ENAH: variants seen among roughly 807,000 people sequenced by gnomAD.
ENAH encodes protein enabled homolog.
ENAH carries 23 observed loss-of-function variants against 78.7 expected under a neutral mutation model. The observed-to-expected ratio is 0.29, with a 90% CI of 0.21 to 0.41. The LOEUF (loss-of-function observed/expected upper bound fraction) is 0.41. ENAH is among the 10% of genes least tolerant of loss of function. ENAH has a pLI of 1.00. For synonymous variants in ENAH, 226 were observed against 241.0 expected (o/e 0.94, Z 0.58); for missense variants, 544 against 691.0 (o/e 0.79, Z 2.39).
intron 11 of ENAH, among the ~76,000 whole-genome samples, chr1:225,501,653 A>G (rs12752691): frequency 0.1 from 15,456 of 152,296 alleles, 1,078 homozygotes; most frequent in Middle Eastern, 0.25. Context: ...AAAAATGTTT[A>G]TTAGATTAGA....
At chr1:225,549,654 TTATG>T (rs144786674) in intron 3 of ENAH, among the ~76,000 whole-genome samples, 6,537 of 152,248 alleles carry the variant, frequency 0.043, 225 homozygotes, top group South Asian at 0.11. Flanking sequence ...AGATGATTGG[TTATG>T]TATACGCCAG....
At chr1:225,635,577 A>G (rs1241898426) in intron 1 of ENAH, among the ~76,000 whole-genome samples, 1 of 152,224 alleles carries the variant, frequency 6.6e-6, no homozygotes, top group African/African-American at 2.4e-5. Flanking sequence ...GAATGAGACC[A>G]CTGTGGTCCA....
At chr1:225,635,589 A>T (rs1659912404) in intron 1 of ENAH, among the ~76,000 whole-genome samples, 1 of 152,188 alleles carries the variant, frequency 6.6e-6, no homozygotes, top group African/African-American at 2.4e-5. Context: ...TGTGGTCCAT[A>T]CTCAAAGAGG....
chr1:225,512,349 A>G (rs1283848276), intron 9 of ENAH, among the ~76,000 whole-genome samples: 2 of 152,222 alleles, frequency 1.3e-5, no homozygotes, highest in African/African-American at 4.8e-5. Flanking sequence ...AAGGGAACTG[A>G]GATTCTAAGA....
At chr1:225,525,055 A>C (rs954075544) in intron 4 of ENAH, among the ~76,000 whole-genome samples, 4 of 152,198 alleles carry the variant, frequency 2.6e-5, no homozygotes, top group African/African-American at 9.7e-5. Context: ...TAATCCTCTT[A>C]CTAACGCTCA....
rs149537157 is a variant in ENAH at position 225,539,534 on chromosome 1, G to GT, written c.350-8897dup. Among the ~76,000 whole-genome samples, 21 of 152,200 alleles carry GT rather than the reference G, an allele frequency of 1.4e-4. No individual in the cohort carries two copies. In the East Asian group the frequency reaches 2.9e-3, roughly 21 times the overall value. On this transcript the variant is annotated intron_variant, in intron 3 of 13. Coordinates refer to ENST00000366843, the MANE Select transcript of ENAH (RefSeq NM_018212.6). ...AATTAAGTTGCCCATTCCAATCGTG[G>GT]TATCTGTCCCCTTCCCCACAGTAGC...
chr1:225,636,084 G>A (rs1449014444), intron 1 of ENAH, among the ~76,000 whole-genome samples: 1 of 152,116 alleles, frequency 6.6e-6, no homozygotes, highest in Non-Finnish European at 1.5e-5. Context: ...AACAAATACT[G>A]GTTCTGTTTC....
intron 4 of ENAH, among the ~76,000 whole-genome samples, chr1:225,522,447 T>C (rs568484965): frequency 5.3e-5 from 8 of 152,288 alleles, no homozygotes; most frequent in Non-Finnish European, 8.8e-5. Flanking sequence ...TGAGTAGTTG[T>C]TTGAGATACT....
intron 11 of ENAH, among the ~76,000 whole-genome samples, chr1:225,507,656 C>A (rs903215097): frequency 6.6e-6 from 1 of 152,018 alleles, no homozygotes; most frequent in African/African-American, 2.4e-5. Flanking sequence ...ACTGTACTAT[C>A]CTTTTAATTT....
At chr1:225,517,562 C>T (rs1327308202) in intron 5 of ENAH, 3 of 1,551,234 alleles carry the variant, frequency 1.9e-6, no homozygotes, top group Non-Finnish European at 2.6e-6. Flanking sequence ...ACAGGGAGGA[C>T]AGGCCTTGGA....
intron 2 of ENAH, among the ~76,000 whole-genome samples, chr1:225,563,233 T>C (rs1197569450): frequency 6.6e-6 from 1 of 152,210 alleles, no homozygotes; most frequent in African/African-American, 2.4e-5. Flanking sequence ...ACATCATTGG[T>C]GAGTAACCAG....
intron 4 of ENAH, among the ~76,000 whole-genome samples, chr1:225,522,781 G>T (rs967904931): frequency 3.3e-5 from 5 of 152,028 alleles, no homozygotes; most frequent in Non-Finnish European, 4.4e-5. Context: ...AAGGGCAAAA[G>T]ATACACCCAT....
At chr1:225,535,645 T>G (rs1477898088) in intron 3 of ENAH, 2 of 701,142 alleles carry the variant, frequency 2.9e-6, no homozygotes, top group African/African-American at 3.7e-5. Context: ...AAAGGTGCTT[T>G]GAAATGTTCA....
At chr1:225,622,328 C>T (rs553683766) in intron 1 of ENAH, among the ~76,000 whole-genome samples, 1 of 152,248 alleles carries the variant, frequency 6.6e-6, no homozygotes, top group South Asian at 2.1e-4. Flanking sequence ...GTGACTCAAG[C>T]TTATAATCCA....
chr1:225,591,521 CT>C (rs1344871117), intron 1 of ENAH, among the ~76,000 whole-genome samples: 1 of 147,586 alleles, frequency 6.8e-6, no homozygotes, highest in African/African-American at 2.5e-5. Context: ...AATCCCAGAA[CT>C]TTGGGAGTCC....
intron 1 of ENAH, among the ~76,000 whole-genome samples, chr1:225,600,384 G>GA (rs557184241): frequency 5.3e-5 from 8 of 151,116 alleles, no homozygotes; most frequent in African/African-American, 1.5e-4. Context: ...TAATAAATAA[G>GA]AAAAAAAATA....
chr1:225,639,212 AG>A (rs1247893821), intron 1 of ENAH, among the ~76,000 whole-genome samples: 4 of 152,226 alleles, frequency 2.6e-5, no homozygotes, highest in Admixed American at 2.6e-4. Flanking sequence ...AAGGGGCATG[AG>A]GGAACTTAAT....
intron 3 of ENAH, chr1:225,535,454 C>A: frequency 8.6e-7 from 1 of 1,168,832 alleles, no homozygotes; most frequent in Non-Finnish European, 1.1e-6. Flanking sequence ...TGGAAATGCG[C>A]AAGTAGCATG....
At position 225,512,686 on chromosome 1, in the gene ENAH, T is replaced by C. The variant is rs1390229345; in HGVS notation, c.1393A>G (p.Ile465Val). ...TTGTCCTCTTTTTGTTCTGTTTCTA[T>C]TGTTGATCCCTTTTCAGCAATTCTT... is the stretch of plus-strand genomic sequence containing the variant. Reference protein sequence around the residue: ...RRRIAEKGSTIETEQKEDKGE... With the variant: ...RRRIAEKGSTVETEQKEDKGE... The change falls in exon 9 of 14, where the codon ATA becomes GTA. Residue 465 changes from isoleucine to valine, a missense_variant. By Grantham distance (29) the Ile-to-Val change is conservative (BLOSUM62 3). Around this residue, in one of 4 missense-constraint regions of ENAH, gnomAD observed 97 missense variants for 124.4 expected, o/e 0.78. Transcript: ENST00000366843. 1.9e-6 allele frequency: 3 copies of C among 1,613,722 alleles called. No homozygotes were observed. The highest frequency in any genetic ancestry group is 1.3e-5 in the African/African-American group (1 of 74,924).
Sources: allele counts gnomAD v4.1 joint callset (sites outside exome capture counted in the v4.1 genomes callset), GRCh38; gene constraint gnomAD v4.1.1; regional missense constraint gnomAD v4.1.1; transcripts MANE v1.5; gene names NCBI Gene and HGNC (gene_info 2026-07-23, HGNC 2026-07-21).